Variants in LRRC18 observed in about 807,000 individuals in gnomAD.
LRRC18 encodes leucine rich repeat containing 18, also known as leucine-rich repeat-containing protein 18.
A neutral mutation model predicts 11.2 loss-of-function variants in LRRC18; 12 were observed. The ratio of observed to expected loss-of-function variants is 1.07; its 90% CI spans 0.69 to 1.74. LRRC18 has a LOEUF of 1.74. LRRC18 is among the 40% of genes most tolerant of loss of function. The pLI, the probability that LRRC18 is intolerant of heterozygous loss-of-function variation, is 0.00. For missense variants in LRRC18, 374 were observed against 330.5 expected (o/e 1.13, Z -1.02); for synonymous variants, 155 against 130.6 (o/e 1.19, Z -1.27).
At chr10:48,922,134 C>T in the LRRC18 span, among the ~76,000 whole-genome samples, 1 of 152,192 alleles carries the variant, frequency 6.6e-6, no homozygotes, top group Non-Finnish European at 1.5e-5. Flanking sequence ...TCCATTTCCA[C>T]ATTTTTAGTT....
chr10:48,932,244 C>G, the LRRC18 span, among the ~76,000 whole-genome samples: 2 of 152,304 alleles, frequency 1.3e-5, no homozygotes, highest in East Asian at 1.9e-4. Flanking sequence ...GTGGGGAATG[C>G]TGGTGGAGTC....
chr10:48,917,030 A>T (rs1838612305), upstream of LRRC18, among the ~76,000 whole-genome samples: 1 of 152,156 alleles, frequency 6.6e-6, no homozygotes, highest in African/African-American at 2.4e-5. Flanking sequence ...ATACACAAAT[A>T]CTTACCCTTG....
chr10:48,925,709 G>T, the LRRC18 span, among the ~76,000 whole-genome samples: 1 of 152,238 alleles, frequency 6.6e-6, no homozygotes, highest in East Asian at 1.9e-4. Flanking sequence ...GCTGATGGAG[G>T]GATGATGGCA....
the LRRC18 span, among the ~76,000 whole-genome samples, chr10:48,921,455 T>A: frequency 1.3e-5 from 2 of 152,136 alleles, no homozygotes; most frequent in Non-Finnish European, 2.9e-5. Context: ...ACACATTGAC[T>A]CAAAATGGAT....
chr10:48,934,624 T>C, the LRRC18 span, among the ~76,000 whole-genome samples: 7 of 152,226 alleles, frequency 4.6e-5, no homozygotes, highest in African/African-American at 7.2e-5. Flanking sequence ...GGATAACTTG[T>C]AGAAAAAGTT....
At chr10:48,919,115 CA>C (rs557860135), upstream of LRRC18, among the ~76,000 whole-genome samples, 4 of 151,150 alleles carry the variant, frequency 2.6e-5, no homozygotes, top group Non-Finnish European at 5.9e-5. Context: ...TGAAATTGTA[CA>C]AAAAAGTACA....
chr10:48,931,408 T>C, the LRRC18 span, among the ~76,000 whole-genome samples: 7 of 152,224 alleles, frequency 4.6e-5, no homozygotes, highest in East Asian at 1.2e-3. Flanking sequence ...CGTTCCTGTT[T>C]CCCTCCAGAG....
chr10:48,933,601 A>G, the LRRC18 span, among the ~76,000 whole-genome samples: 2 of 152,258 alleles, frequency 1.3e-5, no homozygotes, highest in African/African-American at 2.4e-5. Flanking sequence ...CTTATAGCTC[A>G]TCCCTCCCTG....
chr10:48,937,353 G>A, the LRRC18 span, among the ~76,000 whole-genome samples: 8 of 152,228 alleles, frequency 5.3e-5, no homozygotes, highest in African/African-American at 1.9e-4. Flanking sequence ...TTTGGATGAA[G>A]ATTTTTGTTT....
exon 1 of LRRC18, chr10:48,913,460 C>T (rs375899185): frequency 1.1e-5 from 17 of 1,613,544 alleles, no homozygotes; most frequent in South Asian, 9.9e-5. Flanking sequence ...TGGTCTTTCT[C>T]GGTGTCGTCG....
At chr10:48,934,238 A>G in the LRRC18 span, among the ~76,000 whole-genome samples, 4 of 152,236 alleles carry the variant, frequency 2.6e-5, no homozygotes, top group African/African-American at 9.6e-5. Flanking sequence ...AGAATTTATT[A>G]TGTGCCCGAC....
chr10:48,909,584 C>A (rs1837823555), exon 2 of LRRC18: 1 of 152,112 alleles, frequency 6.6e-6, no homozygotes, highest in Non-Finnish European at 1.5e-5. Flanking sequence ...TGCTTCCACT[C>A]ATGGTGGAAG....
chr10:48,938,483 C>T, the LRRC18 span, among the ~76,000 whole-genome samples: 2 of 152,246 alleles, frequency 1.3e-5, no homozygotes, highest in Non-Finnish European at 2.9e-5. Flanking sequence ...TCTGCCAGCC[C>T]CCGATGGAGG....
chr10:48,912,828 C>T (rs978615018), intron 1 of LRRC18, among the ~76,000 whole-genome samples: 1 of 152,214 alleles, frequency 6.6e-6, no homozygotes, highest in African/African-American at 2.4e-5. Flanking sequence ...AGAGAGAAAA[C>T]ATTGCTTTGG....
the LRRC18 span, among the ~76,000 whole-genome samples, chr10:48,925,362 G>A: frequency 6.6e-6 from 1 of 152,132 alleles, no homozygotes; most frequent in Non-Finnish European, 1.5e-5. Flanking sequence ...AGTGGGTCCT[G>A]TGTATGTAAT....
the LRRC18 span, among the ~76,000 whole-genome samples, chr10:48,937,442 C>T: frequency 1.1e-4 from 16 of 152,156 alleles, no homozygotes; most frequent in Admixed American, 4.6e-4. Flanking sequence ...GTCAGCGTGT[C>T]GGTGTTTATG....
intron 1 of LRRC18, among the ~76,000 whole-genome samples, chr10:48,912,126 T>TA (rs1316689346): frequency 1.3e-5 from 2 of 152,312 alleles, no homozygotes; most frequent in African/African-American, 4.8e-5. Context: ...GAGAGTGTGG[T>TA]ACACAGGGAG....
At chr10:48,937,537 C>A in the LRRC18 span, among the ~76,000 whole-genome samples, 1 of 152,136 alleles carries the variant, frequency 6.6e-6, no homozygotes, top group Admixed American at 6.5e-5. Flanking sequence ...TGCCCCACAC[C>A]TCCATATCTT....
the LRRC18 span, among the ~76,000 whole-genome samples, chr10:48,922,610 A>G: frequency 2.6e-5 from 4 of 152,184 alleles, no homozygotes; most frequent in African/African-American, 9.7e-5. Context: ...ATGTTTTCCT[A>G]TAGGAAAAAC....
Sources: gnomAD v4.1 joint callset for allele counts (sites outside exome capture counted in the v4.1 genomes callset) on GRCh38, gnomAD v4.1.1 for gene constraint, MANE v1.5 for transcripts, NCBI Gene and HGNC (gene_info 2026-07-23, HGNC 2026-07-21) for gene names.